Variants in PCDHGB6 observed in about 807,000 individuals in gnomAD.
PCDHGB6 encodes protocadherin gamma-B6.
In PCDHGB6, 51 loss-of-function variants were observed where a neutral mutation model predicts 59.1. That is an observed-to-expected ratio of 0.86 (90% CI 0.69 to 1.09). The LOEUF (loss-of-function observed/expected upper bound fraction) is 1.09, where lower values mean the gene tolerates loss of function less well. Ranked by LOEUF, PCDHGB6 falls within the 50% of genes least tolerant of loss-of-function variation. The probability of loss-of-function intolerance (pLI) is 0.00; values close to 1 mark genes in which losing one functional copy is unlikely to be tolerated. For missense variants in PCDHGB6, 1,148 were observed against 1,205.1 expected (o/e 0.95, Z 0.70); for synonymous variants, 466 against 495.1 (o/e 0.94, Z 0.78).
intron 1 of PCDHGB6, among the ~76,000 whole-genome samples, chr5:141,437,842 A>G (rs1372385076): frequency 2.0e-5 from 3 of 150,650 alleles, no homozygotes; most frequent in East Asian, 3.9e-4. Context: ...GGTTCATGCT[A>G]TTCTCCTGCC....
Position 141,408,360 on chromosome 5 carries a change from A to G in PCDHGB6, c.158A>G (p.Asp53Gly), listed in dbSNP as rs373951875. 2.4e-5 allele frequency: 38 copies of G among 1,613,808 alleles called. No homozygotes were observed. In the African/African-American group the frequency reaches 3.7e-4, roughly 16 times the overall value. ...TCGGTGGTGGGGAACCTCGCTAAGG[A>G]TCTAGGGCTCAGTGTCCTGGATGTG... ...KGSVVGNLAK[D>G]LGLSVLDVSA... The change falls in exon 1 of 4, where the codon GAT becomes GGT. Residue 53 changes from aspartate to glycine, a missense_variant. Coordinates refer to ENST00000520790, the MANE Select transcript of PCDHGB6 (RefSeq NM_018926.3).
At position 141,485,133 on chromosome 5, in the gene PCDHGB6, C is replaced by A; in HGVS notation, c.2419-9674C>A. On this transcript the variant is annotated intron_variant, in intron 1 of 3. Transcript: ENST00000520790. The surrounding 1 kb of genome is among the most constrained non-coding windows in gnomAD (Gnocchi z 5.7). Reference sequence around the variant, plus strand: ...GCTGTTTGGGGCGGGTCGGCTTCATCCGCGTCTCAGGAGCAAGTAGAGAAT... The same window carrying A: ...GCTGTTTGGGGCGGGTCGGCTTCATACGCGTCTCAGGAGCAAGTAGAGAAT... The A allele has an allele frequency of 2.7e-6, 4 of 1,492,492 alleles. No homozygotes were observed. The highest frequency in any genetic ancestry group is 1.7e-5 in the Admixed American group (1 of 58,334). The allele number at this position is 1,492,492 out of a possible 1,614,324, so 92.5% of individuals were successfully genotyped here.
chr5:141,455,936 C>T (rs1194722770), intron 1 of PCDHGB6, among the ~76,000 whole-genome samples: 3 of 151,422 alleles, frequency 2.0e-5, no homozygotes, highest in East Asian at 3.9e-4. Flanking sequence ...CTCGCTCTGT[C>T]GCCCAGGCTG....
At position 141,423,043 on chromosome 5, in the gene PCDHGB6, T is replaced by C. The variant is rs940921497; in HGVS notation, c.2418+12423T>C. 10 of 1,614,058 alleles carry C rather than the reference T, an allele frequency of 6.2e-6. No homozygotes were observed. The Admixed American group carries it at 1.5e-4, about 24-fold the overall frequency. ...AGATTCAGGCCAGAACGCCTGGCTG[T>C]CCTATCGCCTGCTTAAGGCCAGCGA... is the stretch of plus-strand genomic sequence containing the variant. On this transcript the variant is annotated intron_variant, in intron 1 of 3. Transcript: ENST00000520790.
At position 141,489,220 on chromosome 5, in the gene PCDHGB6, C is replaced by T; in HGVS notation, c.2419-5587C>T. ...AGACAGGACAGCACAGACTTACTCT[C>T]CACAAAGGGACTTCTGGGTCATGGG... On this transcript the variant is annotated intron_variant, in intron 1 of 3. Transcript: ENST00000520790. This position sits in a 1 kb window ranked among gnomAD's most constrained non-coding sequence, Gnocchi z 4.5. The T allele has an allele frequency of 6.6e-7, 1 of 1,508,698 alleles. No homozygotes were observed. The highest frequency in any genetic ancestry group is 8.9e-7 in the Non-Finnish European group (1 of 1,122,110). The allele number at this position is 1,508,698 out of a possible 1,614,324, so 93.5% of individuals were successfully genotyped here.
Position 141,409,702 on chromosome 5 carries a change from G to A in PCDHGB6, c.1500G>A (p.Ala500=), listed in dbSNP as rs545411022. The A allele has an allele frequency of 2.0e-5, 32 of 1,613,226 alleles. No homozygotes were observed. In the South Asian group the frequency reaches 3.0e-4, roughly 15 times the overall value. The change falls in exon 1 of 4, where the codon GCG becomes GCA. Residue 500 remains alanine, a synonymous_variant. Transcript: ENST00000520790. ...SIVASDLEPL[A]VSSYVSVSAQ... is the part of the protein sequence containing the mutation. ...TGGCGAGTGACCTAGAGCCCCTGGC[G>A]GTGTCGTCATACGTGTCAGTGAGCG...
chr5:141,418,897 A>T, intron 1 of PCDHGB6: 1 of 1,613,980 alleles, frequency 6.2e-7, no homozygotes, highest in Non-Finnish European at 8.5e-7. Flanking sequence ...ACAGCCCAGA[A>T]ATAATCATCA....
At chr5:141,410,818 T>G in intron 1 of PCDHGB6, 198 bp downstream of exon 1, 2 of 556,016 alleles carry the variant, frequency 3.6e-6, no homozygotes, top group Non-Finnish European at 5.8e-6. Context: ...TGTAAAATAA[T>G]GTCACCAGAC....
Position 141,476,605 on chromosome 5 carries a change from T to C in PCDHGB6, c.2419-18202T>C, listed in dbSNP as rs1394742940. ...CGCTCGAGAGCGCGCACGATCCCGATGTGGGAAGCAACTCTTTACAAACCT... is the reference window on the plus strand; with the variant it reads ...CGCTCGAGAGCGCGCACGATCCCGACGTGGGAAGCAACTCTTTACAAACCT... On this transcript the variant is annotated intron_variant, in intron 1 of 3. Transcript: ENST00000520790. This position sits in a 1 kb window ranked among gnomAD's most constrained non-coding sequence, Gnocchi z 7.6. 1.9e-6 allele frequency: 3 copies of C among 1,614,066 alleles called. No individual in the cohort carries two copies. In the East Asian group the frequency reaches 6.7e-5, roughly 36 times the overall value.
chr5:141,485,152 A>T lies in PCDHGB6; in HGVS notation c.2419-9655A>T. 1.3e-6 allele frequency: 2 copies of T among 1,586,090 alleles called. No homozygotes were observed. Among genetic ancestry groups the T allele is most frequent in the Non-Finnish European group, 8.6e-7 (1 of 1,157,176 alleles). ...CTTCATCCGCGTCTCAGGAGCAAGT[A>T]GAGAATTAGCGGGCGGCAGCAATGC... On this transcript the variant is annotated intron_variant, in intron 1 of 3. Coordinates refer to ENST00000520790, the MANE Select transcript of PCDHGB6 (RefSeq NM_018926.3). This position sits in a 1 kb window ranked among gnomAD's most constrained non-coding sequence, Gnocchi z 5.7.
At position 141,490,979 on chromosome 5, in the gene PCDHGB6, C is replaced by T. The variant is rs1217345302; in HGVS notation, c.2419-3828C>T. 6.2e-7 allele frequency: 1 copy of T among 1,614,086 alleles called. No individual in the cohort carries two copies. The highest frequency in any genetic ancestry group is 8.5e-7 in the Non-Finnish European group (1 of 1,180,014). ...GAACACTCAGCCCCCCAGCGTCTCC[C>T]TCGCTCTGCTCCTCCTGGCTCCTTG... On this transcript the variant is annotated intron_variant, in intron 1 of 3. Transcript: ENST00000520790. This position sits in a 1 kb window ranked among gnomAD's most constrained non-coding sequence, Gnocchi z 5.4.
rs1190624035 is a variant in PCDHGB6, at chr5:141,432,332, T to G, written c.2418+21712T>G. ...GCTGAGCTCCTTCGACTACGAGCAG[T>G]TCCGAGACTTGCAAGTGAAAGTGAT... On this transcript the variant is annotated intron_variant, in intron 1 of 3. Coordinates refer to ENST00000520790, the MANE Select transcript of PCDHGB6 (RefSeq NM_018926.3). The surrounding 1 kb of genome is among the most constrained non-coding windows in gnomAD (Gnocchi z 6.0). The G allele has an allele frequency of 2.5e-6, 4 of 1,614,116 alleles. No homozygotes were observed. In the African/African-American group the frequency reaches 5.3e-5, roughly 22 times the overall value.
intron 2 of PCDHGB6, among the ~76,000 whole-genome samples, chr5:141,498,371 C>T (rs188547878): frequency 6.6e-6 from 1 of 151,838 alleles, no homozygotes; most frequent in Admixed American, 6.6e-5. Flanking sequence ...TGTGGTGAGG[C>T]CTCCTGGGAT....
Position 141,485,739 on chromosome 5 carries a change from G to A in PCDHGB6, c.2419-9068G>A. 6.2e-7 allele frequency: 1 copy of A among 1,614,234 alleles called. No individual in the cohort carries two copies. Among genetic ancestry groups the A allele is most frequent in the Non-Finnish European group, 8.5e-7 (1 of 1,180,042 alleles). ...GATGTGAAGAAGCGCAGCGACGGCA[G>A]CCTGGTCCCAGAGCTGCTCCTGGAG... On this transcript the variant is annotated intron_variant, in intron 1 of 3. Transcript: ENST00000520790. The surrounding 1 kb of genome is among the most constrained non-coding windows in gnomAD (Gnocchi z 5.7).
rs962794399 is a variant in PCDHGB6, at chr5:141,449,958, AT to A, written c.2418+39346del. Among the ~76,000 whole-genome samples, 332 of 148,828 alleles carry A rather than the reference AT, an allele frequency of 2.2e-3. 1 individual carries two copies. The highest frequency in any genetic ancestry group is 6.8e-3 in the Admixed American group (101 of 14,904). Reference sequence around the variant, plus strand: ...GTATATTTTACTATACCTCATAGTAATTTTTTTTAGTCCAAAATATCACACA... The same window carrying A: ...GTATATTTTACTATACCTCATAGTAATTTTTTTAGTCCAAAATATCACACA... On this transcript the variant is annotated intron_variant, in intron 1 of 3. Coordinates refer to ENST00000520790, the MANE Select transcript of PCDHGB6 (RefSeq NM_018926.3).
chr5:141,503,528 G>A (rs1411240550), intron 2 of PCDHGB6, among the ~76,000 whole-genome samples: 2 of 151,470 alleles, frequency 1.3e-5, no homozygotes, highest in Non-Finnish European at 2.9e-5. Flanking sequence ...GAACCTGGGA[G>A]GCAGAGGTTG....
At position 141,487,339 on chromosome 5, in the gene PCDHGB6, A is replaced by T; in HGVS notation, c.2419-7468A>T. On this transcript the variant is annotated intron_variant, in intron 1 of 3. Coordinates refer to ENST00000520790, the MANE Select transcript of PCDHGB6 (RefSeq NM_018926.3). The surrounding 1 kb of genome is among the most constrained non-coding windows in gnomAD (Gnocchi z 5.0). ...AGTGTCTTCGTGGGGCAGCCTGTGG[A>T]GTCACATGCTTTCCTGCTGGCACCT... The T allele has an allele frequency of 1.9e-6, 3 of 1,614,096 alleles. No individual in the cohort carries two copies. Among genetic ancestry groups the T allele is most frequent in the Non-Finnish European group, 2.5e-6 (3 of 1,180,000 alleles).
Position 141,485,190 on chromosome 5 carries a change from G to C in PCDHGB6, c.2419-9617G>C. 6.2e-7 allele frequency: 1 copy of C among 1,613,920 alleles called. No individual in the cohort carries two copies. Among genetic ancestry groups the C allele is most frequent in the Non-Finnish European group, 8.5e-7 (1 of 1,179,788 alleles). Reference sequence around the variant, plus strand: ...GCGGCAGCAATGCTCCGCAAGGTGAGAAGCTGGACAGAAATCTGGCGGTGG... The same window carrying C: ...GCGGCAGCAATGCTCCGCAAGGTGACAAGCTGGACAGAAATCTGGCGGTGG... On this transcript the variant is annotated intron_variant, in intron 1 of 3. Coordinates refer to ENST00000520790, the MANE Select transcript of PCDHGB6 (RefSeq NM_018926.3). This position sits in a 1 kb window ranked among gnomAD's most constrained non-coding sequence, Gnocchi z 5.7.
chr5:141,463,086 GC>G (rs1171354311), intron 1 of PCDHGB6, among the ~76,000 whole-genome samples: 1 of 152,098 alleles, frequency 6.6e-6, no homozygotes, highest in African/African-American at 2.4e-5. Context: ...ACATTTTCCA[GC>G]CCTATGTGAC....
Sources: gnomAD v4.1 joint callset for allele counts (sites outside exome capture counted in the v4.1 genomes callset) on GRCh38, gnomAD v4.1.1 for gene constraint, Gnocchi (gnomAD v3.1) non-coding constraint, MANE v1.5 for transcripts, NCBI Gene and HGNC (gene_info 2026-07-23, HGNC 2026-07-21) for gene names.